The following GLI2 variants were observed in gnomAD, a reference collection of about 807,000 sequenced individuals.
The protein encoded by GLI2 is GLI family zinc finger 2, also known as transcription activator GLI2.
A neutral mutation model predicts 78.9 loss-of-function variants in GLI2; 22 were observed. That is an observed-to-expected ratio of 0.28 (90% confidence interval 0.20 to 0.40). The LOEUF (loss-of-function observed/expected upper bound fraction) is 0.40, where lower values mean the gene tolerates loss of function less well. GLI2 is among the 10% of genes least tolerant of loss of function. The pLI is 1.00. For synonymous variants in GLI2, 974 were observed against 963.7 expected (o/e 1.01, Z -0.20); for missense variants, 2,097 against 2,213.2 (o/e 0.95, Z 1.05).
chr2:120,873,648 G>C (rs756230243), intron 2 of GLI2, among the ~76,000 whole-genome samples: 24 of 152,296 alleles, frequency 1.6e-4, no homozygotes, highest in Non-Finnish European at 1.0e-4. Context: ...CCAGGGCTCT[G>C]CAGTCTACAT....
rs886866170 is a variant in GLI2 at position 120,912,896 on chromosome 2, G to A, written c.149-14465G>A. 2.0e-4 allele frequency among the ~76,000 whole-genome samples: 31 copies of A among 152,202 alleles called. 1 individual carries two copies. The highest frequency in any genetic ancestry group is 3.2e-3 in the Middle Eastern group (1 of 316). ...TCAAGGGTGTGGAAGGGTGGGGAGA[G>A]AGGCACAGGCTGACTTAATCCCTTG... On this transcript the variant is annotated intron_variant, in intron 2 of 13. Coordinates refer to ENST00000361492, the MANE Select transcript of GLI2 (RefSeq NM_001374353.1).
At chr2:120,982,395 G>A (rs1421952985) in intron 10 of GLI2, among the ~76,000 whole-genome samples, 1 of 152,098 alleles carries the variant, frequency 6.6e-6, no homozygotes, top group Non-Finnish European at 1.5e-5. Context: ...TAAAAAAATA[G>A]AGTATGTAAC....
intron 11 of GLI2, among the ~76,000 whole-genome samples, chr2:120,984,241 G>T (rs528226458): frequency 7.2e-5 from 11 of 152,124 alleles, no homozygotes; most frequent in Non-Finnish European, 1.3e-4. Context: ...AGGACCCCCC[G>T]TGGCCGTGTG....
intron 2 of GLI2, among the ~76,000 whole-genome samples, chr2:120,902,527 G>A (rs1444321142): frequency 6.6e-6 from 1 of 152,182 alleles, no homozygotes; most frequent in Non-Finnish European, 1.5e-5. Flanking sequence ...AGGAGGGAAG[G>A]GGGAATGAAG....
At chr2:120,805,245 G>A (rs1421419180) in intron 2 of GLI2, among the ~76,000 whole-genome samples, 1 of 152,242 alleles carries the variant, frequency 6.6e-6, no homozygotes, top group Non-Finnish European at 1.5e-5. Context: ...TCTGGACTCT[G>A]GGAGGCTCTC....
intron 1 of GLI2, among the ~76,000 whole-genome samples, chr2:120,744,081 C>T (rs181114997): frequency 9.2e-5 from 14 of 152,340 alleles, no homozygotes; most frequent in African/African-American, 3.4e-4. Flanking sequence ...ATGGTCTTTT[C>T]AGACTTTCCT....
rs548813527 is a variant in GLI2 at position 120,839,196 on chromosome 2, TATATTTGTATATGTTC to T, written c.148+41743_148+41758del. ...TATGGATTATCTTCAAATATTTTAA[TATATTTGTATATGTTC>T]ATATTTGTATATGTCAACGATATGT... is the stretch of plus-strand genomic sequence containing the variant. On this transcript the variant is annotated intron_variant, in intron 2 of 13. Transcript: ENST00000361492. Among the ~76,000 whole-genome samples, 1,057 of 152,350 alleles carry T rather than the reference TATATTTGTATATGTTC, an allele frequency of 6.9e-3. 12 individuals carry two copies. Among genetic ancestry groups the T allele is most frequent in the African/African-American group, 0.023 (971 of 41,576 alleles).
chr2:120,773,041 G>A (rs982897945), intron 1 of GLI2, among the ~76,000 whole-genome samples: 3 of 152,144 alleles, frequency 2.0e-5, no homozygotes, highest in African/African-American at 7.2e-5. Flanking sequence ...TGGACATGCC[G>A]TGATTACTTA....
rs1351513896 is a variant in GLI2 at position 120,939,923 on chromosome 2, T to C, written c.255-11320T>C. Among the ~76,000 whole-genome samples the C allele has an allele frequency of 3.3e-5, 5 of 152,218 alleles. 1 individual carries two copies. The highest frequency in any genetic ancestry group is 2.6e-4 in the Admixed American group (4 of 15,290). The stretch of plus-strand genomic sequence containing the variant: ...GGCCTTGCCCTGTATCCTTGTGATA[T>C]CCTTGCCCCATCACTTTGGAGGTGA... On this transcript the variant is annotated intron_variant, in intron 3 of 13. Transcript: ENST00000361492.
chr2:120,970,483 C>G lies in GLI2; in HGVS notation c.936C>G (p.His312Gln). The change falls in exon 7 of 14, where the codon CAC (histidine) becomes CAG (glutamine). Residue 312 changes from histidine (H) to glutamine (Q), a missense_variant. By Grantham distance (24) the His-to-Gln change is conservative. This residue lies in a region of GLI2 where 578 missense variants were observed against 612.0 expected (regional missense o/e 0.94). Coordinates refer to ENST00000361492, the MANE Select transcript of GLI2 (RefSeq NM_001374353.1). ...GGGGTCTGGGGTCAGCCTTTGGACA[C>G]ACACCACCCCTGATCCAGCCCTCAC... ...QQRGLGSAFGHTPPLIQPSPT... is the reference protein window; with the variant it reads ...QQRGLGSAFGQTPPLIQPSPT... 1 of 1,613,870 alleles carries G rather than the reference C, an allele frequency of 6.2e-7. No homozygotes were observed. Among genetic ancestry groups the G allele is most frequent in the African/African-American group, 1.3e-5 (1 of 74,996 alleles).
intron 2 of GLI2, among the ~76,000 whole-genome samples, chr2:120,923,861 T>TACAC (rs746911617): frequency 2.0e-5 from 3 of 150,868 alleles, no homozygotes; most frequent in East Asian, 3.9e-4. Flanking sequence ...CACACGTACA[T>TACAC]ACACACACAC....
chr2:120,955,158 T>A, intron 4 of GLI2, 87 bp from the exon 5 acceptor site: 1 of 405,356 alleles, frequency 2.5e-6, no homozygotes, highest in Non-Finnish European at 4.2e-6. Flanking sequence ...TCTGCCTTTT[T>A]TTTTTTTTTT....
chr2:120,863,882 G>A (rs1688010596), intron 2 of GLI2, among the ~76,000 whole-genome samples: 1 of 152,184 alleles, frequency 6.6e-6, no homozygotes, highest in African/African-American at 2.4e-5. Context: ...AGTTGATGGG[G>A]CTGAGGCGTC....
chr2:120,741,473 C>A (rs1227395183), intron 1 of GLI2, among the ~76,000 whole-genome samples: 3 of 150,944 alleles, frequency 2.0e-5, no homozygotes, highest in African/African-American at 7.3e-5. Flanking sequence ...TCTCTCCTTT[C>A]TCTCCCTCTC....
intron 10 of GLI2, among the ~76,000 whole-genome samples, chr2:120,981,173 G>A (rs920223700): frequency 3.9e-5 from 6 of 152,192 alleles, no homozygotes; most frequent in Admixed American, 6.5e-5. Flanking sequence ...GAGCCACCAC[G>A]CCCAGGCTGG....
chr2:120,863,264 A>C (rs1558840713), intron 2 of GLI2, among the ~76,000 whole-genome samples: 1 of 152,336 alleles, frequency 6.6e-6, no homozygotes, highest in Non-Finnish European at 1.5e-5. Flanking sequence ...GCAGCCGACC[A>C]CTGCCCCTCA....
chr2:120,882,824 A>T (rs778304488), intron 2 of GLI2, among the ~76,000 whole-genome samples: 2 of 151,934 alleles, frequency 1.3e-5, no homozygotes, highest in Non-Finnish European at 2.9e-5. Context: ...TCTTAAAATC[A>T]GGTTTATGAA....
rs565554401 is a variant in GLI2 at position 120,962,138 on chromosome 2, G to A, written c.644-6576G>A. Among the ~76,000 whole-genome samples, 7 of 152,314 alleles carry A rather than the reference G, an allele frequency of 4.6e-5. No individual in the cohort carries two copies. The South Asian group carries it at 1.4e-3, about 32-fold the overall frequency. ...TGCTGGTAGCCCATCTTCTGCATGA[G>A]ACAACCAGTGATTGGCTCAAAGCTA... On this transcript the variant is annotated intron_variant, in intron 5 of 13. Coordinates refer to ENST00000361492, the MANE Select transcript of GLI2 (RefSeq NM_001374353.1).
intron 1 of GLI2, among the ~76,000 whole-genome samples, chr2:120,742,857 C>T (rs779643186): frequency 3.9e-5 from 6 of 152,112 alleles, no homozygotes; most frequent in Non-Finnish European, 8.8e-5. Flanking sequence ...CAAATAGAAG[C>T]TGTGCAGGTG....
Sources: gnomAD v4.1 joint callset for allele counts (sites outside exome capture counted in the v4.1 genomes callset) on GRCh38, gnomAD v4.1.1 for gene constraint, gnomAD v4.1.1 regional missense constraint, MANE v1.5 for transcripts, NCBI Gene and HGNC (gene_info 2026-07-23, HGNC 2026-07-21) for gene names.